RYR2: variants seen among roughly 807,000 people sequenced by gnomAD.
The protein encoded by RYR2 is ryanodine receptor 2, also known as cardiac muscle ryanodine receptor-calcium release channel.
In RYR2, 227 loss-of-function variants were observed where a neutral mutation model predicts 601.1. The ratio of observed to expected loss-of-function variants is 0.38; its 90% CI spans 0.34 to 0.42. The LOEUF (loss-of-function observed/expected upper bound fraction) is 0.42. RYR2 is among the 10% of genes least tolerant of loss of function. The pLI, the probability that RYR2 is intolerant of heterozygous loss-of-function variation, is 1.00. For synonymous variants in RYR2, 2,223 were observed against 2,175.1 expected (o/e 1.02, Z -0.61); for missense variants, 4,646 against 6,156.5 (o/e 0.75, Z 8.21).
intron 1 of RYR2, among the ~76,000 whole-genome samples, chr1:237,074,953 G>A (rs936632466): frequency 6.6e-6 from 1 of 152,188 alleles, no homozygotes; most frequent in Non-Finnish European, 1.5e-5. Context: ...GTGCAGCCAG[G>A]TCTCGGAGAG....
chr1:237,127,467 A>AC (rs1191072904), intron 1 of RYR2, among the ~76,000 whole-genome samples: 8 of 132,186 alleles, frequency 6.1e-5, no homozygotes, highest in Admixed American at 3.8e-4. Context: ...CAGGGGGCTG[A>AC]CCCCCCCACC....
intron 2 of RYR2, among the ~76,000 whole-genome samples, chr1:237,305,393 A>G (rs563056492): frequency 6.6e-6 from 1 of 152,298 alleles, no homozygotes; most frequent in African/African-American, 2.4e-5. Flanking sequence ...ACTTTATAAT[A>G]CATATTTTAT....
At chr1:237,095,549 C>T (rs1275801911) in intron 1 of RYR2, among the ~76,000 whole-genome samples, 1 of 152,212 alleles carries the variant, frequency 6.6e-6, no homozygotes, top group Non-Finnish European at 1.5e-5. Context: ...ACATCTCTTT[C>T]TCACTCAAGG....
At chr1:237,817,716 A>C (rs942550837) in intron 100 of RYR2, among the ~76,000 whole-genome samples, 52 of 152,238 alleles carry the variant, frequency 3.4e-4, no homozygotes, top group African/African-American at 1.2e-3. Context: ...GCATTTGTTC[A>C]TGAAGCTACA....
rs1365006627 is a variant in RYR2 at position 237,819,845 on chromosome 1, A to G, written c.14590+653A>G. 1.3e-5 allele frequency among the ~76,000 whole-genome samples: 2 copies of G among 151,656 alleles called. No homozygotes were observed. Among genetic ancestry groups the G allele is most frequent in the East Asian group, 3.9e-4 (2 of 5,132 alleles). On this transcript the variant is annotated intron_variant, in intron 101 of 104. Transcript: ENST00000366574. This position sits in a 1 kb window ranked among gnomAD's most constrained non-coding sequence, Gnocchi z 4.0. ...AAACACACACTCAAACCCAACAACAACAACAACAACAAAAACTTCTAAGCC... is the reference window on the plus strand; with the variant it reads ...AAACACACACTCAAACCCAACAACAGCAACAACAACAAAAACTTCTAAGCC...
intron 25 of RYR2, among the ~76,000 whole-genome samples, chr1:237,545,408 T>C (rs538811217): frequency 6.6e-6 from 1 of 152,342 alleles, no homozygotes; most frequent in South Asian, 2.1e-4. Context: ...ATCACTCCTC[T>C]TTGGGAATGC....
intron 22 of RYR2, among the ~76,000 whole-genome samples, chr1:237,504,790 A>G (rs1665043142): frequency 6.6e-6 from 1 of 152,192 alleles, no homozygotes; most frequent in Admixed American, 6.5e-5. Context: ...TTTTGGCACT[A>G]GGTACCGGTT....
chr1:237,566,782 G>C lies in RYR2; in HGVS notation c.3423+7G>C. The C allele has an allele frequency of 1.9e-6, 3 of 1,613,820 alleles. No individual in the cohort carries two copies. The highest frequency in any genetic ancestry group is 2.5e-6 in the Non-Finnish European group (3 of 1,179,788). ...TGCCTTTGATGGCTTCAAGGTGAGT[G>C]GACTTTGTCCTGTGCCAGTCATCTG... On this transcript the variant is annotated splice_region_variant and intron_variant, in intron 28 of 104. Coordinates refer to ENST00000366574, the MANE Select transcript of RYR2 (RefSeq NM_001035.3).
At chr1:237,624,591 T>C (rs549683413) in intron 39 of RYR2, among the ~76,000 whole-genome samples, 2 of 152,330 alleles carry the variant, frequency 1.3e-5, no homozygotes, top group East Asian at 1.9e-4. Context: ...GTGTACTTTC[T>C]AGAAAATGTA....
At chr1:237,618,501 C>G (rs1678724243) in intron 38 of RYR2, among the ~76,000 whole-genome samples, 1 of 152,238 alleles carries the variant, frequency 6.6e-6, no homozygotes, top group Admixed American at 6.5e-5. Flanking sequence ...GGTGAGTTCC[C>G]TGGATTTTCT....
At chr1:237,515,871 TTCCTTCCTCTTCTCCTC>T in intron 24 of RYR2, among the ~76,000 whole-genome samples, 1 of 14,282 alleles carries the variant, frequency 7.0e-5, no homozygotes, top group South Asian at 2.7e-3. Flanking sequence ...CTCTCTTCTT[TTCCTTCCTCTTCTCCTC>T]CTCCCTCTTC....
rs1191239112 is a variant in RYR2 at position 237,784,059 on chromosome 1, A to G, written c.12347A>G (p.Gln4116Arg). Residue 4116 changes from glutamine (Q) to arginine (R), a missense_variant, in exon 90 of 105, where the codon CAG becomes CGG. Physicochemically the swap from Gln to Arg is conservative, Grantham distance 43. This residue lies in a region of RYR2 where 70 missense variants were observed against 164.6 expected (regional missense o/e 0.43). Transcript: ENST00000366574. The surrounding 1 kb of genome is among the most constrained non-coding windows in gnomAD (Gnocchi z 7.1). ...SEHMPNDTRL[Q>R]TFLELAESVL... ...CACATGCCCAACGATACCCGACTTC[A>G]GACTTTTCTGGAATTAGCAGAGAGC... 2 of 1,614,038 alleles carry G rather than the reference A, an allele frequency of 1.2e-6. No individual in the cohort carries two copies. The highest frequency in any genetic ancestry group is 1.6e-4 in the Middle Eastern group (1 of 6,062).
At chr1:237,133,676 TGGTGGCTCACACCCGCTGACGCG>T (rs1169694782) in intron 1 of RYR2, among the ~76,000 whole-genome samples, 1 of 152,118 alleles carries the variant, frequency 6.6e-6, no homozygotes, top group Non-Finnish European at 1.5e-5. Flanking sequence ...CGGCCAGGCA[TGGTGGCTCACACCCGCTGACGCG>T]GGTGGATCAT....
chr1:237,653,237 A>G (rs927974673), intron 51 of RYR2, among the ~76,000 whole-genome samples: 1 of 152,202 alleles, frequency 6.6e-6, no homozygotes, highest in Non-Finnish European at 1.5e-5. Context: ...ATAAGTGATC[A>G]GAGTAGAGCA....
chr1:237,173,975 T>TA (rs1373370512), intron 1 of RYR2, among the ~76,000 whole-genome samples: 6 of 152,068 alleles, frequency 3.9e-5, no homozygotes, highest in Non-Finnish European at 2.9e-5. Flanking sequence ...GAGAATGGCA[T>TA]GAACCTGGGA....
intron 12 of RYR2, among the ~76,000 whole-genome samples, chr1:237,435,423 A>AT (rs546935092): frequency 2.0e-5 from 3 of 152,010 alleles, no homozygotes; most frequent in African/African-American, 7.2e-5. Context: ...AGAACTTGTA[A>AT]TTTTTTTTCT....
At chr1:237,425,039 TATTC>T (rs1369302845) in intron 12 of RYR2, among the ~76,000 whole-genome samples, 6 of 151,858 alleles carry the variant, frequency 4.0e-5, no homozygotes, top group Admixed American at 1.3e-4. Context: ...CAAGAAAACA[TATTC>T]ATTATTTAGA....
chr1:237,517,075 C>T (rs1172842468), intron 24 of RYR2, among the ~76,000 whole-genome samples: 1 of 152,210 alleles, frequency 6.6e-6, no homozygotes, highest in Non-Finnish European at 1.5e-5. Flanking sequence ...ATCTGACACC[C>T]CTCCTGTTTG....
rs1686680720 is a variant in RYR2, at chr1:237,245,167, TGATAGTGTCACTGG to T, written c.49-25329_49-25316del. On this transcript the variant is annotated intron_variant, in intron 1 of 104. Coordinates refer to ENST00000366574, the MANE Select transcript of RYR2 (RefSeq NM_001035.3). ...AGGAGTTTGAGACTGCAGTGAACTA[TGATAGTGTCACTGG>T]ACTCCAGCCTGTGTGACAGAGGGAA... is the stretch of plus-strand genomic sequence containing the variant. Among the ~76,000 whole-genome samples the T allele has an allele frequency of 2.0e-5, 3 of 151,580 alleles. No individual in the cohort carries two copies. In the South Asian group the frequency reaches 6.2e-4, roughly 32 times the overall value.
Sources: gnomAD v4.1 joint callset for allele counts (sites outside exome capture counted in the v4.1 genomes callset) on GRCh38, gnomAD v4.1.1 for gene constraint, gnomAD v4.1.1 regional missense constraint, Gnocchi (gnomAD v3.1) non-coding constraint, MANE v1.5 for transcripts, NCBI Gene and HGNC (gene_info 2026-07-23, HGNC 2026-07-21) for gene names.